Variants in ATP1A3 observed in about 807,000 individuals in gnomAD.
The protein encoded by ATP1A3 is sodium/potassium-transporting ATPase subunit alpha-3.
In ATP1A3, 12 loss-of-function variants were observed where a neutral mutation model predicts 108.8. The ratio of observed to expected loss-of-function variants is 0.11; its 90% CI spans 0.07 to 0.18. ATP1A3 has a LOEUF of 0.18. ATP1A3 is among the 10% of genes least tolerant of loss of function. The pLI is 1.00. For missense variants in ATP1A3, 498 were observed against 1,387.7 expected (o/e 0.36, Z 10.19); for synonymous variants, 539 against 564.5 (o/e 0.95, Z 0.64).
chr19:41,994,014 A>C (rs980854021), intron 1 of ATP1A3, 57 bp downstream of exon 1: 3 of 1,605,322 alleles, frequency 1.9e-6, no homozygotes, highest in Non-Finnish European at 2.6e-6. Flanking sequence ...CGCACACCCA[A>C]TGTCACCGGC....
intron 19 of ATP1A3, among the ~76,000 whole-genome samples, 175 bp downstream of exon 19, chr19:41,969,260 A>G (rs1555859245): frequency 6.6e-6 from 1 of 152,132 alleles, no homozygotes; most frequent in Non-Finnish European, 1.5e-5. Flanking sequence ...GTGGGACACA[A>G]GGCTCCAGAT....
chr19:41,983,465 G>A (rs2075254738), intron 8 of ATP1A3, among the ~76,000 whole-genome samples: 1 of 151,882 alleles, frequency 6.6e-6, no homozygotes, highest in Non-Finnish European at 1.5e-5. Context: ...CATGCACCTT[G>A]AAGACAGCAT....
chr19:41,978,479 C>CCATTCATTCATT lies in ATP1A3; in HGVS notation c.1630+115_1630+126dup. 5 of 1,482,072 alleles carry CCATTCATTCATT rather than the reference C, an allele frequency of 3.4e-6. 1 individual carries two copies. The South Asian group carries it at 3.5e-5, about 10-fold the overall frequency. The allele number at this position is 1,482,072 out of a possible 1,614,324, so 91.8% of individuals were successfully genotyped here. On this transcript the variant is annotated intron_variant, in intron 12 of 22. Transcript: ENST00000648268. This position sits in a 1 kb window ranked among gnomAD's most constrained non-coding sequence, Gnocchi z 8.3. ...TAGGATACCTTCCCCTCTCATCCAT[C>CCATTCATTCATT]CATTCATTCATTCATTCATTCATTT... is the stretch of plus-strand genomic sequence containing the variant.
Position 41,978,911 on chromosome 19 carries a change from G to T in ATP1A3, c.1438-113C>A. The T allele has an allele frequency of 1.0e-6, 1 of 965,264 alleles. No homozygotes were observed. Among genetic ancestry groups the T allele is most frequent in the Non-Finnish European group, 1.6e-6 (1 of 628,616 alleles). The allele number at this position is 965,264 out of a possible 1,614,324, so 59.8% of individuals were successfully genotyped here. A position where few individuals can be genotyped will look rare whatever the true frequency, so the allele number is the denominator to read the frequency against. ...GGTGCCAGGATAGGCCCACACCAGGGCTCCCCCACACTCTCTCACAGAGAC... is the reference window on the plus strand; with the variant it reads ...GGTGCCAGGATAGGCCCACACCAGGTCTCCCCCACACTCTCTCACAGAGAC... On this transcript the variant is annotated intron_variant, in intron 11 of 22. Coordinates refer to ENST00000648268, the MANE Select transcript of ATP1A3 (RefSeq NM_152296.5). This position sits in a 1 kb window ranked among gnomAD's most constrained non-coding sequence, Gnocchi z 8.3.
At chr19:41,986,057 C>T (rs2075283523) in intron 5 of ATP1A3, 59 bp from the exon 6 acceptor site, 7 of 1,614,000 alleles carry the variant, frequency 4.3e-6, no homozygotes, top group South Asian at 1.1e-5. Flanking sequence ...GGTCACTGGG[C>T]CCGGCCCCCA....
In ATP1A3 at chr19:41,988,463, G is replaced by A; in HGVS notation, c.93+13C>T. 6.2e-7 allele frequency: 1 copy of A among 1,614,234 alleles called. No homozygotes were observed. The highest frequency in any genetic ancestry group is 1.1e-5 in the South Asian group (1 of 91,088). ...TTCTCTGGGAGGGTGTGCGGGCAGA[G>A]GGCGAGGCTTACCATAGCCACCTCC... On this transcript the variant is annotated intron_variant, in intron 2 of 22. Transcript: ENST00000648268. This position sits in a 1 kb window ranked among gnomAD's most constrained non-coding sequence, Gnocchi z 5.3.
intron 14 of ATP1A3, 78 bp from the exon 15 acceptor site, chr19:41,976,644 A>G: frequency 6.3e-7 from 1 of 1,593,798 alleles, no homozygotes; most frequent in Non-Finnish European, 8.5e-7. Flanking sequence ...AGACAGAGAA[A>G]CAGAGGGGCC....
At chr19:41,973,281 C>T (rs1241367295) in intron 16 of ATP1A3, among the ~76,000 whole-genome samples, 2 of 152,128 alleles carry the variant, frequency 1.3e-5, no homozygotes, top group African/African-American at 2.4e-5. Flanking sequence ...GACAGGGTCT[C>T]GGATCTCGCT....
rs782422094 is a variant in ATP1A3 at position 41,978,231 on chromosome 19, C to T, written c.1726G>A (p.Val576Met). 1 of 1,614,146 alleles carries T rather than the reference C, an allele frequency of 6.2e-7. No homozygotes were observed. The highest frequency in any genetic ancestry group is 2.2e-5 in the East Asian group (1 of 44,884). ...GGGTCGATCATGGACATGAGGCCCACAAAGCAGAGGTTGTCCGTGGTGAAG... is the reference window on the plus strand; with the variant it reads ...GGGTCGATCATGGACATGAGGCCCATAAAGCAGAGGTTGTCCGTGGTGAAG... ...VNFTTDNLCF[V>M]GLMSMIDPPR... Residue 576 changes from valine to methionine, a missense_variant, in exon 13 of 23, where the codon GTG becomes ATG. This residue lies in a region of ATP1A3 where 31 missense variants were observed against 132.5 expected (regional missense o/e 0.23). Transcript: ENST00000648268. This position sits in a 1 kb window ranked among gnomAD's most constrained non-coding sequence, Gnocchi z 8.3.
At chr19:41,970,664 C>T (rs1555859646) in intron 16 of ATP1A3, 122 bp from the exon 17 acceptor site, 4 of 1,197,132 alleles carry the variant, frequency 3.3e-6, no homozygotes, top group Non-Finnish European at 2.3e-6. Flanking sequence ...CAGAGTCTCG[C>T]TGTGTTGCCC....
In ATP1A3 at chr19:41,978,572, CAGGGACCCCAGA is replaced by C. The variant is rs782592586; in HGVS notation, c.1630+22_1630+33del. On this transcript the variant is annotated intron_variant, in intron 12 of 22. Coordinates refer to ENST00000648268, the MANE Select transcript of ATP1A3 (RefSeq NM_152296.5). This position sits in a 1 kb window ranked among gnomAD's most constrained non-coding sequence, Gnocchi z 8.3. ...CAGCATCACAACCCTCCTTGCCCTC[CAGGGACCCCAGA>C]GCCCGCCCGGCAGCCTCGCACCAAG... 5 of 1,609,716 alleles carry C rather than the reference CAGGGACCCCAGA, an allele frequency of 3.1e-6. No individual in the cohort carries two copies. The East Asian group carries it at 1.1e-4, about 36-fold the overall frequency.
rs781823561 is a variant in ATP1A3 at position 41,970,326 on chromosome 19, G to A, written c.2419-18C>T. On this transcript the variant is annotated intron_variant, in intron 17 of 22. Coordinates refer to ENST00000648268, the MANE Select transcript of ATP1A3 (RefSeq NM_152296.5). ...GCAGGGACCTAGGCGGAGGAGGCCG[G>A]GTGAGCCGGAGAGGGGAGGACTCCA... 1 of 1,613,910 alleles carries A rather than the reference G, an allele frequency of 6.2e-7. No homozygotes were observed. The highest frequency in any genetic ancestry group is 1.3e-5 in the African/African-American group (1 of 74,886).
In ATP1A3 at chr19:41,966,657, A is replaced by T. The variant is rs886054472; in HGVS notation, c.*280T>A. On this transcript the variant is annotated 3_prime_UTR_variant, in exon 23 of 23. Transcript: ENST00000648268. Reference sequence around the variant, plus strand: ...ATCAGCCGGGGGGCTGAAGGGGAGTAAAAAAGAGCCCAGGGAGGTGGCTGG... The same window carrying T: ...ATCAGCCGGGGGGCTGAAGGGGAGTTAAAAAGAGCCCAGGGAGGTGGCTGG... 1.3e-6 allele frequency: 2 copies of T among 1,512,012 alleles called. No homozygotes were observed. The highest frequency in any genetic ancestry group is 1.8e-6 in the Non-Finnish European group (2 of 1,122,644). The allele number at this position is 1,512,012 out of a possible 1,614,324, so 93.7% of individuals were successfully genotyped here.
intron 4 of ATP1A3, among the ~76,000 whole-genome samples, chr19:41,987,291 C>T (rs1372981930): frequency 1.3e-5 from 2 of 152,144 alleles, no homozygotes; most frequent in Non-Finnish European, 2.9e-5. Context: ...TCTCATGTCT[C>T]TCTGTCACCA....
chr19:41,975,626 C>T lies in ATP1A3; in HGVS notation c.2263+3G>A. 1 of 1,614,036 alleles carries T rather than the reference C, an allele frequency of 6.2e-7. No homozygotes were observed. Among genetic ancestry groups the T allele is most frequent in the Non-Finnish European group, 8.5e-7 (1 of 1,179,976 alleles). On this transcript the variant is annotated splice_donor_region_variant and intron_variant, in intron 16 of 22. Transcript: ENST00000648268. ...TCTCCAGGGCCACCCCTGGCCAACT[C>T]ACCCTCCTCCACCCCTGTGACGATG...
At chr19:41,986,630 A>G (rs1437394375) in intron 4 of ATP1A3, 4 of 258,412 alleles carry the variant, frequency 1.5e-5, no homozygotes, top group Admixed American at 1.5e-4. Context: ...TTTAGTAGAG[A>G]TGGGGCTTCA....
intron 16 of ATP1A3, among the ~76,000 whole-genome samples, chr19:41,974,933 A>C (rs1261585316): frequency 1.3e-5 from 2 of 152,128 alleles, no homozygotes; most frequent in African/African-American, 4.8e-5. Context: ...ACGTCACAGC[A>C]TGGCCCCTGA....
In ATP1A3 at chr19:41,988,252, C is replaced by T; in HGVS notation, c.153+66G>A. Reference sequence around the variant, plus strand: ...GCCACAGCCCCTCCTCCCTCAGACCCAGGGGTCCTAGCCCCCAGCTCCTCC... The same window carrying T: ...GCCACAGCCCCTCCTCCCTCAGACCTAGGGGTCCTAGCCCCCAGCTCCTCC... On this transcript the variant is annotated intron_variant, in intron 3 of 22. Coordinates refer to ENST00000648268, the MANE Select transcript of ATP1A3 (RefSeq NM_152296.5). This position sits in a 1 kb window ranked among gnomAD's most constrained non-coding sequence, Gnocchi z 5.3. 1 of 1,613,204 alleles carries T rather than the reference C, an allele frequency of 6.2e-7. No individual in the cohort carries two copies. Among genetic ancestry groups the T allele is most frequent in the Non-Finnish European group, 8.5e-7 (1 of 1,179,204 alleles).
intron 1 of ATP1A3, chr19:41,993,354 G>A: frequency 1.3e-6 from 2 of 1,527,542 alleles, no homozygotes; most frequent in South Asian, 1.2e-5. Flanking sequence ...CTACACAGTT[G>A]CACACGCACA....
Sources: allele counts gnomAD v4.1 joint callset (sites outside exome capture counted in the v4.1 genomes callset), GRCh38; gene constraint gnomAD v4.1.1; regional missense constraint gnomAD v4.1.1; non-coding constraint Gnocchi (gnomAD v3.1); transcripts MANE v1.5; gene names NCBI Gene and HGNC (gene_info 2026-07-23, HGNC 2026-07-21).